Variants in NRF1 observed in about 807,000 individuals in gnomAD.
NRF1 encodes the protein alpha palindromic-binding protein.
In NRF1, 5 loss-of-function variants were observed where a neutral mutation model predicts 58.5. The observed-to-expected ratio is 0.09, with a 90% CI of 0.04 to 0.18. NRF1 has a LOEUF of 0.18. Among genes scored for constraint, NRF1 ranks in the 10% least tolerant of loss-of-function variants. The probability of loss-of-function intolerance (pLI) is 1.00; values close to 1 mark genes in which losing one functional copy is unlikely to be tolerated. For missense variants in NRF1, 288 were observed against 657.7 expected, an observed-to-expected ratio of 0.44 and a Z score of 6.15; for synonymous variants, 224 against 246.7, an observed-to-expected ratio of 0.91 and a Z score of 0.86.
intron 1 of NRF1, among the ~76,000 whole-genome samples, chr7:129,629,128 C>T (rs1486498772): frequency 1.3e-5 from 2 of 152,142 alleles, no homozygotes; most frequent in Admixed American, 6.6e-5. Context: ...GTGACAGACC[C>T]ACTTTTAATT....
Position 129,663,010 on chromosome 7 carries a change from C to T in NRF1, c.223+5436C>T, listed in dbSNP as rs929034543. ...CTGTTTAACAAAGCACATCTTGCAC[C>T]GCCCTTAATCCATTTAACCCTGAGT... On this transcript the variant is annotated intron_variant, in intron 2 of 10. Transcript: ENST00000393232. Among the ~76,000 whole-genome samples, 22 of 152,284 alleles carry T rather than the reference C, an allele frequency of 1.4e-4. 1 individual carries two copies. The East Asian group carries it at 2.1e-3, about 15-fold the overall frequency.
intron 3 of NRF1, among the ~76,000 whole-genome samples, chr7:129,674,136 A>G (rs892356509): frequency 3.3e-5 from 5 of 151,542 alleles, no homozygotes; most frequent in South Asian, 2.1e-4. Context: ...GTGAAACTCC[A>G]TCTAAAAAAA....
intron 5 of NRF1, among the ~76,000 whole-genome samples, chr7:129,699,543 G>T (rs540053855): frequency 6.6e-6 from 1 of 151,918 alleles, no homozygotes; most frequent in East Asian, 1.9e-4. Flanking sequence ...GTGAAACCCC[G>T]TCTCTACTAA....
chr7:129,621,780 AAT>A (rs1800802133), intron 1 of NRF1, among the ~76,000 whole-genome samples: 2 of 134,534 alleles, frequency 1.5e-5, no homozygotes, highest in South Asian at 5.0e-4. Context: ...TTCTCCATAG[AAT>A]TTTTTTTTTT....
At chr7:129,696,323 G>A (rs1161049878) in intron 5 of NRF1, among the ~76,000 whole-genome samples, 1 of 152,166 alleles carries the variant, frequency 6.6e-6, no homozygotes, top group Non-Finnish European at 1.5e-5. Flanking sequence ...ATTACTTTAT[G>A]TTAACATGAA....
chr7:129,615,174 A>G (rs1800635418), intron 1 of NRF1, among the ~76,000 whole-genome samples: 1 of 152,204 alleles, frequency 6.6e-6, no homozygotes, highest in Non-Finnish European at 1.5e-5. Flanking sequence ...CTACAGTCCT[A>G]CCTCAACAGG....
chr7:129,659,938 G>A (rs1251505234), intron 2 of NRF1, among the ~76,000 whole-genome samples: 1 of 152,060 alleles, frequency 6.6e-6, no homozygotes, highest in Non-Finnish European at 1.5e-5. Context: ...CCATTTTCAT[G>A]CTGCTGATAA....
chr7:129,651,481 G>GTC (rs1403026790), intron 1 of NRF1, among the ~76,000 whole-genome samples: 1 of 151,684 alleles, frequency 6.6e-6, no homozygotes, highest in Non-Finnish European at 1.5e-5. Flanking sequence ...GGTGGAAAGA[G>GTC]ATGAGGCTCT....
chr7:129,634,061 T>TATAC lies in NRF1; in HGVS notation c.-7+22238_-7+22239insTACA, dbSNP rs764569771. On this transcript the variant is annotated intron_variant, in intron 1 of 10. Transcript: ENST00000393232. ...AAAAAAAGATATATATATATATATA[T>TATAC]ACACACACACACACACACACACACT... Among the ~76,000 whole-genome samples, 470 of 131,412 alleles carry TATAC rather than the reference T, an allele frequency of 3.6e-3. 1 individual carries two copies. The highest frequency in any genetic ancestry group is 6.7e-3 in the African/African-American group (233 of 34,550). 86.2% of individuals were successfully genotyped at this position (131,412 alleles called of 152,430 possible). A position where few individuals can be genotyped will look rare whatever the true frequency, so the allele number is the denominator to read the frequency against.
chr7:129,682,098 A>T lies in NRF1; in HGVS notation c.465+4340A>T, dbSNP rs554802460. ...CCCTGTCTCAATCAGTTAGTCAGTC[A>T]ACCAGACATATATACATACCCAAGC... On this transcript the variant is annotated intron_variant, in intron 4 of 10. Transcript: ENST00000393232. Among the ~76,000 whole-genome samples, 6 of 151,662 alleles carry T rather than the reference A, an allele frequency of 4.0e-5. No homozygotes were observed. In the East Asian group the frequency reaches 1.2e-3, roughly 30 times the overall value.
At chr7:129,616,319 A>G (rs1800659196) in intron 1 of NRF1, among the ~76,000 whole-genome samples, 1 of 152,230 alleles carries the variant, frequency 6.6e-6, no homozygotes, top group African/African-American at 2.4e-5. Context: ...ATGGTGGTTC[A>G]TGCCTATAAT....
At chr7:129,614,918 C>G (rs1032928278) in intron 1 of NRF1, among the ~76,000 whole-genome samples, 24 of 152,264 alleles carry the variant, frequency 1.6e-4, no homozygotes, top group African/African-American at 5.5e-4. Flanking sequence ...TCTGGGTTGT[C>G]TTTAGAAGCA....
At chr7:129,709,547 C>T (rs4731617) in intron 6 of NRF1, among the ~76,000 whole-genome samples, 72,639 of 151,746 alleles carry the variant, frequency 0.48, 17,700 homozygotes, top group East Asian at 0.78. Flanking sequence ...ACTTTGAACA[C>T]TTAGAAATGC....
chr7:129,619,736 G>GT (rs34136401), intron 1 of NRF1, among the ~76,000 whole-genome samples: 81,473 of 125,508 alleles, frequency 0.65, 26,251 homozygotes, highest in African/African-American at 0.72. Flanking sequence ...TGTTTGGGTT[G>GT]TTTTTTTTTT....
chr7:129,750,946 T>C (rs1267908633), intron 10 of NRF1, among the ~76,000 whole-genome samples: 5 of 152,186 alleles, frequency 3.3e-5, no homozygotes, highest in African/African-American at 1.2e-4. Flanking sequence ...TAGAAAACAT[T>C]CCAGCACCTG....
intron 9 of NRF1, among the ~76,000 whole-genome samples, chr7:129,717,785 C>G (rs1803227551): frequency 6.6e-6 from 1 of 152,206 alleles, no homozygotes; most frequent in Non-Finnish European, 1.5e-5. Context: ...TCCCGTTTAT[C>G]CTATTCTGTG....
At chr7:129,658,001 T>C (rs1801697029) in intron 2 of NRF1, among the ~76,000 whole-genome samples, 1 of 152,226 alleles carries the variant, frequency 6.6e-6, no homozygotes, top group Non-Finnish European at 1.5e-5. Context: ...ATCAGTGTTA[T>C]GGCTTTGGTT....
At chr7:129,614,446 T>TGTGC (rs1800617952) in intron 1 of NRF1, among the ~76,000 whole-genome samples, 2 of 127,366 alleles carry the variant, frequency 1.6e-5, no homozygotes, top group South Asian at 5.0e-4. Context: ...TATGTATTTG[T>TGTGC]GTGTGTGTGT....
intron 1 of NRF1, among the ~76,000 whole-genome samples, chr7:129,612,530 T>C (rs901740625): frequency 6.6e-6 from 1 of 152,166 alleles, no homozygotes; most frequent in East Asian, 1.9e-4. Context: ...GCAAAGTCCT[T>C]TTGTACGCAG....
Sources: allele counts gnomAD v4.1 joint callset (sites outside exome capture counted in the v4.1 genomes callset), GRCh38; gene constraint gnomAD v4.1.1; transcripts MANE v1.5; gene names NCBI Gene and HGNC (gene_info 2026-07-23, HGNC 2026-07-21).